The following SLC35F5 variants were observed in gnomAD, a reference collection of about 807,000 sequenced individuals.
The protein encoded by SLC35F5 is solute carrier family 35 member F5, also known as HCV NS5A-transactivated protein 3.
Under a neutral mutation model 68.6 loss-of-function variants are expected in SLC35F5, and 54 were observed. The ratio of observed to expected loss-of-function variants is 0.79; its 90% CI spans 0.63 to 0.99. SLC35F5 has a LOEUF of 0.99. Among genes scored for constraint, SLC35F5 ranks in the 50% least tolerant of loss-of-function variants. The pLI, the probability that SLC35F5 is intolerant of heterozygous loss-of-function variation, is 0.00. For synonymous variants in SLC35F5, 211 were observed against 205.2 expected (o/e 1.03, Z -0.24); for missense variants, 567 against 626.9 (o/e 0.90, Z 1.02).
At position 113,717,860 on chromosome 2, in the gene SLC35F5, A is replaced by C; in HGVS notation, c.1497-10T>G. The C allele has an allele frequency of 1.3e-6, 2 of 1,590,178 alleles. No homozygotes were observed. The highest frequency in any genetic ancestry group is 2.3e-5 in the South Asian group (2 of 87,830). On this transcript the variant is annotated splice_polypyrimidine_tract_variant and intron_variant, in intron 14 of 15. Transcript: ENST00000245680. ...GCTGTCTTCTGGAACTCTTAAGAAA[A>C]AAAAAAGCAGTAATTAAGGAAAGCT...
downstream of SLC35F5, among the ~76,000 whole-genome samples, chr2:113,706,401 C>G: frequency 6.6e-6 from 1 of 152,284 alleles, no homozygotes; most frequent in Non-Finnish European, 1.5e-5. Context: ...AGCTTTATGA[C>G]GGCTTCCTCC....
chr2:113,756,503 G>T lies in SLC35F5; in HGVS notation c.-94C>A. ...CCGCGCCTGACATCGCGCCGCACTG[G>T]AGGCCCAGCTCCTGAAGACGCGGTG... On this transcript the variant is annotated 5_prime_UTR_variant, in exon 1 of 16. Coordinates refer to ENST00000245680, the MANE Select transcript of SLC35F5 (RefSeq NM_025181.5). The T allele has an allele frequency of 6.6e-7, 1 of 1,516,142 alleles. No individual in the cohort carries two copies. The highest frequency in any genetic ancestry group is 8.8e-7 in the Non-Finnish European group (1 of 1,136,046). The allele number at this position is 1,516,142 out of a possible 1,614,324, so 93.9% of individuals were successfully genotyped here.
In SLC35F5 at chr2:113,735,763, G is replaced by A. The variant is rs1688066367; in HGVS notation, c.832+14C>T. 1.3e-6 allele frequency: 2 copies of A among 1,562,374 alleles called. No homozygotes were observed. Among genetic ancestry groups the A allele is most frequent in the South Asian group, 1.1e-5 (1 of 87,138 alleles). On this transcript the variant is annotated intron_variant, in intron 8 of 15. Coordinates refer to ENST00000245680, the MANE Select transcript of SLC35F5 (RefSeq NM_025181.5). ...CTGATTTATAATGCAGATTTTTAAAGACAAATTTCTTACCGGAAGTTGAAG... is the reference window on the plus strand; with the variant it reads ...CTGATTTATAATGCAGATTTTTAAAAACAAATTTCTTACCGGAAGTTGAAG...
At chr2:113,749,045 C>T (rs547175361) in intron 4 of SLC35F5, among the ~76,000 whole-genome samples, 4 of 152,294 alleles carry the variant, frequency 2.6e-5, no homozygotes, top group Admixed American at 6.5e-5. Flanking sequence ...CCTCATGATT[C>T]GCCCCCTCGG....
rs373879740 is a variant in SLC35F5, at chr2:113,742,752, T to C, written c.690A>G (p.Lys230=). 5.4e-5 allele frequency: 87 copies of C among 1,613,972 alleles called. No homozygotes were observed. The highest frequency in any genetic ancestry group is 7.0e-5 in the Non-Finnish European group (83 of 1,179,996). ...YPVKEQESIL[K]TVGKLTATQV... is the part of the protein sequence containing the mutation. ...GAGTTGCAGTAAGTTTCCCCACAGT[T>C]TTCAGTATGGATTCTTGTTCTTTCA... Residue 230 remains lysine, a synonymous_variant, in exon 7 of 16, where the codon AAA becomes AAG. Transcript: ENST00000245680.
chr2:113,719,935 C>A (rs1307579166), intron 13 of SLC35F5, among the ~76,000 whole-genome samples: 1 of 151,262 alleles, frequency 6.6e-6, no homozygotes, highest in Non-Finnish European at 1.5e-5. Flanking sequence ...AGACAAGCAA[C>A]AAGACAAGCC....
rs968762689 is a variant in SLC35F5, at chr2:113,707,722, G to A, written c.*7496C>T. ...CTACAGGCGTGCACCACCATGCCTG[G>A]CTAATTTTTTGTATTTTTAGTAGAG... On this transcript the variant is annotated 3_prime_UTR_variant, in exon 16 of 16. Coordinates refer to ENST00000245680, the MANE Select transcript of SLC35F5 (RefSeq NM_025181.5). Among the ~76,000 whole-genome samples the A allele has an allele frequency of 6.6e-6, 1 of 152,018 alleles. No individual in the cohort carries two copies. The highest frequency in any genetic ancestry group is 2.4e-5 in the African/African-American group (1 of 41,394).
At chr2:113,753,160 TTG>T (rs1215632650) in intron 3 of SLC35F5, among the ~76,000 whole-genome samples, 45 of 105,200 alleles carry the variant, frequency 4.3e-4, no homozygotes, top group African/African-American at 1.4e-3. Context: ...TCTCCAAAGT[TTG>T]TTTTTCTTTT....
chr2:113,740,521 T>C (rs1457216249), intron 7 of SLC35F5, among the ~76,000 whole-genome samples: 1 of 152,218 alleles, frequency 6.6e-6, no homozygotes, highest in African/African-American at 2.4e-5. Flanking sequence ...GAAATTACAA[T>C]ATACATAAAA....
intron 7 of SLC35F5, among the ~76,000 whole-genome samples, chr2:113,739,849 T>A (rs1479157312): frequency 6.6e-6 from 1 of 152,186 alleles, no homozygotes; most frequent in African/African-American, 2.4e-5. Context: ...ACTAATAACA[T>A]AAGTAATGAT....
chr2:113,746,908 CA>C (rs375028406), intron 4 of SLC35F5, among the ~76,000 whole-genome samples: 110 of 141,424 alleles, frequency 7.8e-4, no homozygotes, highest in African/African-American at 2.5e-3. Context: ...GCCTGGGCAG[CA>C]AGATTACGTC....
In SLC35F5 at chr2:113,713,484, T is replaced by G. The variant is rs2290107; in HGVS notation, c.*1734A>C. 1 of 151,998 alleles carries G rather than the reference T, an allele frequency of 6.6e-6. No homozygotes were observed. The highest frequency in any genetic ancestry group is 1.5e-5 in the Non-Finnish European group (1 of 67,976). 9.4% of individuals were successfully genotyped at this position (151,998 alleles called of 1,614,324 possible). ...TTACCCTGTAAATTGCTGAAGGTCT[T>G]TGTGAACTGTCGAACAGCAAAAACA... On this transcript the variant is annotated 3_prime_UTR_variant, in exon 16 of 16. Coordinates refer to ENST00000245680, the MANE Select transcript of SLC35F5 (RefSeq NM_025181.5).
In SLC35F5 at chr2:113,711,883, CCTTTATCCTT is replaced by C. The variant is rs1686999616; in HGVS notation, c.*3325_*3334del. Among the ~76,000 whole-genome samples, 1 of 152,144 alleles carries C rather than the reference CCTTTATCCTT, an allele frequency of 6.6e-6. No homozygotes were observed. Among genetic ancestry groups the C allele is most frequent in the South Asian group, 2.1e-4 (1 of 4,826 alleles). ...GAAAAAAATTTTCTAATTAATTCCT[CCTTTATCCTT>C]CTTTAAAAACATTTTATTTCTTCAA... On this transcript the variant is annotated 3_prime_UTR_variant, in exon 16 of 16. Transcript: ENST00000245680.
At chr2:113,754,440 T>C (rs1189811066) in intron 3 of SLC35F5, among the ~76,000 whole-genome samples, 1 of 152,234 alleles carries the variant, frequency 6.6e-6, no homozygotes, top group Non-Finnish European at 1.5e-5. Context: ...AGTTTCCTGC[T>C]GTATATTCGC....
At chr2:113,716,046 T>C (rs1687166794) in intron 15 of SLC35F5, among the ~76,000 whole-genome samples, 1 of 152,180 alleles carries the variant, frequency 6.6e-6, no homozygotes, top group Admixed American at 6.5e-5. Context: ...CCTCCCAAAA[T>C]GCTAGGATTA....
intron 4 of SLC35F5, among the ~76,000 whole-genome samples, chr2:113,746,597 A>T (rs1053772982): frequency 6.6e-6 from 1 of 152,146 alleles, no homozygotes; most frequent in Non-Finnish European, 1.5e-5. Flanking sequence ...TTAGTCTAAA[A>T]CCAAAGCTTA....
At chr2:113,734,193 T>C (rs966724175) in intron 9 of SLC35F5, among the ~76,000 whole-genome samples, 2 of 152,160 alleles carry the variant, frequency 1.3e-5, no homozygotes, top group Non-Finnish European at 2.9e-5. Context: ...GAAAACTGAA[T>C]GTTAGCTTTC....
intron 7 of SLC35F5, among the ~76,000 whole-genome samples, chr2:113,741,619 T>G (rs1676279242): frequency 6.6e-6 from 1 of 151,372 alleles, no homozygotes; most frequent in South Asian, 2.1e-4. Flanking sequence ...GAGAATTGCT[T>G]GAACCCAGGA....
intron 5 of SLC35F5, among the ~76,000 whole-genome samples, chr2:113,745,030 CA>C (rs200350387): frequency 1.3e-5 from 2 of 151,018 alleles, no homozygotes; most frequent in African/African-American, 2.4e-5. Flanking sequence ...CTACCAACAA[CA>C]AAAAAAAATT....
Sources: gnomAD v4.1 joint callset for allele counts (sites outside exome capture counted in the v4.1 genomes callset) on GRCh38, gnomAD v4.1.1 for gene constraint, MANE v1.5 for transcripts, NCBI Gene and HGNC (gene_info 2026-07-23, HGNC 2026-07-21) for gene names.